The following CFAP69 variants were observed in gnomAD, a reference collection of about 807,000 sequenced individuals.
The protein encoded by CFAP69 is cilia- and flagella-associated protein 69.
CFAP69 carries 92 observed loss-of-function variants against 123.0 expected under a neutral mutation model. The ratio of observed to expected loss-of-function variants is 0.75; its 90% CI spans 0.63 to 0.89. The LOEUF is 0.89. Among genes scored for constraint, CFAP69 ranks in the 40% least tolerant of loss-of-function variants. The probability of loss-of-function intolerance (pLI) is 0.00; values close to 1 mark genes in which losing one functional copy is unlikely to be tolerated. For missense variants in CFAP69, 1,067 were observed against 1,096.9 expected (o/e 0.97, Z 0.39); for synonymous variants, 380 against 364.3 (o/e 1.04, Z -0.49).
Position 90,275,526 on chromosome 7 carries a change from G to C in CFAP69, c.984+1416G>C, listed in dbSNP as rs111442138. On this transcript the variant is annotated intron_variant, in intron 9 of 22. Transcript: ENST00000389297. The stretch of plus-strand genomic sequence containing the variant: ...GGTTCTTCAGGCCACTAAGACCACA[G>C]GGTTACTCTGAGTTTTAGCATTTCC... Among the ~76,000 whole-genome samples, 1,298 of 151,130 alleles carry C rather than the reference G, an allele frequency of 8.6e-3. 20 individuals carry two copies. Among genetic ancestry groups the C allele is most frequent in the African/African-American group, 0.028 (1,159 of 41,124 alleles).
chr7:90,265,239 A>C, intron 4 of CFAP69, 62 bp from the exon 5 acceptor site: 1 of 1,012,470 alleles, frequency 9.9e-7, no homozygotes, highest in Non-Finnish European at 1.5e-6. Context: ...CCACTTACAA[A>C]TGATGCTTCA....
chr7:90,248,270 G>A (rs182451168), intron 1 of CFAP69, among the ~76,000 whole-genome samples: 1 of 152,238 alleles, frequency 6.6e-6, no homozygotes, highest in Admixed American at 6.5e-5. Context: ...GAACCTTTCA[G>A]TTACCCTAAC....
At chr7:90,294,258 C>G (rs1321869311) in intron 15 of CFAP69, among the ~76,000 whole-genome samples, 1 of 152,144 alleles carries the variant, frequency 6.6e-6, no homozygotes, top group Non-Finnish European at 1.5e-5. Flanking sequence ...GATACCTGAT[C>G]TGCATAATTT....
intron 13 of CFAP69, 119 bp downstream of exon 13, chr7:90,283,175 T>G: frequency 1.3e-6 from 1 of 744,536 alleles, no homozygotes; most frequent in South Asian, 4.6e-5. Flanking sequence ...TCCTGAATAT[T>G]TTCTTGATTT....
chr7:90,286,565 T>C, intron 14 of CFAP69, 166 bp downstream of exon 14: 2 of 587,300 alleles, frequency 3.4e-6, no homozygotes, highest in South Asian at 5.2e-5. Flanking sequence ...TACAACAGTA[T>C]ACACCCATTT....
rs1259055505 is a variant in CFAP69, at chr7:90,245,545, G to T, written c.120+1G>T. On this transcript the variant is annotated splice_donor_variant, in intron 1 of 22. Transcript: ENST00000389297. LOFTEE classifies it high-confidence loss of function. ...GGTGACGGAGGACGATGAGGCGCAG[G>T]TATGAGCAGGTGTCTGTGCTTTCAG... 6.7e-7 allele frequency: 1 copy of T among 1,498,048 alleles called. No homozygotes were observed. The highest frequency in any genetic ancestry group is 1.5e-5 in the African/African-American group (1 of 68,564). The allele number at this position is 1,498,048 out of a possible 1,614,324, so 92.8% of individuals were successfully genotyped here. A position where few individuals can be genotyped will look rare whatever the true frequency, so the allele number is the denominator to read the frequency against.
chr7:90,314,724 T>A (rs1034547165), downstream of CFAP69, among the ~76,000 whole-genome samples: 4 of 152,104 alleles, frequency 2.6e-5, no homozygotes, highest in Admixed American at 1.3e-4. Flanking sequence ...TTTGGTATTT[T>A]TTATTATTAT....
Position 90,299,971 on chromosome 7 carries a change from T to A in CFAP69, c.1962T>A (p.Asp654Glu), listed in dbSNP as rs771836284. The change falls in exon 17 of 23, where the codon GAT (aspartate) becomes GAA (glutamate). Residue 654 changes from aspartate to glutamate, a missense_variant. Coordinates refer to ENST00000389297, the MANE Select transcript of CFAP69 (RefSeq NM_001039706.3). ...AHVNAWQGKK[D>E]QTAASLLIKL... ...TCAATGCTTGGCAAGGGAAGAAGGATCAGACAGCTGCTAGTCTTTTAATTA... is the reference window on the plus strand; with the variant it reads ...TCAATGCTTGGCAAGGGAAGAAGGAACAGACAGCTGCTAGTCTTTTAATTA... The A allele has an allele frequency of 1.4e-5, 22 of 1,611,848 alleles. No individual in the cohort carries two copies. The highest frequency in any genetic ancestry group is 1.8e-5 in the Non-Finnish European group (21 of 1,179,098).
At chr7:90,258,303 A>G in intron 3 of CFAP69, 140 bp downstream of exon 3, 1 of 651,636 alleles carries the variant, frequency 1.5e-6, no homozygotes, top group Non-Finnish European at 2.5e-6. Flanking sequence ...AGTTATTATC[A>G]TACAGTTTTG....
At position 90,307,190 on chromosome 7, in the gene CFAP69, A is replaced by G. The variant is rs17869408; in HGVS notation, c.2463+92A>G. On this transcript the variant is annotated intron_variant, in intron 20 of 22. Coordinates refer to ENST00000389297, the MANE Select transcript of CFAP69 (RefSeq NM_001039706.3). ...TAGATAGAATAAGTTCTGTTGTTCA[A>G]TAGCACAGTAGGACAACTATAGTAA... 3,683 of 840,524 alleles carry G rather than the reference A, an allele frequency of 4.4e-3. 83 individuals are homozygous for G. The African/African-American group carries it at 0.053, about 12-fold the overall frequency. The allele number at this position is 840,524 out of a possible 1,614,324, so 52.1% of individuals were successfully genotyped here. A position where few individuals can be genotyped will look rare whatever the true frequency, so the allele number is the denominator to read the frequency against.
chr7:90,286,428 G>T (rs1327768215), intron 14 of CFAP69, 29 bp downstream of exon 14: 14 of 1,605,180 alleles, frequency 8.7e-6, no homozygotes, highest in South Asian at 1.1e-5. Flanking sequence ...GTTTTGTTCA[G>T]GTCTCCCAGT....
chr7:90,257,820 G>A (rs1245886925), intron 2 of CFAP69, among the ~76,000 whole-genome samples: 2 of 152,106 alleles, frequency 1.3e-5, no homozygotes, highest in Admixed American at 6.6e-5. Flanking sequence ...TGTGAGTAGT[G>A]CTGCAATAAA....
Position 90,265,304 on chromosome 7 carries a change from GC to G in CFAP69, c.362del (p.Pro121HisfsTer3). On this transcript the variant is annotated frameshift_variant, in exon 5 of 23. Transcript: ENST00000389297. LOFTEE classifies it high-confidence loss of function. ...CAATTCTTCATTCTTATTGAAGCTT[GC>G]CATTTTTGAAAAAGAAAGTGTCGGA... is the stretch of plus-strand genomic sequence containing the variant. ...AYDIIKLCGL[P>X]FLKKKVSDEI... 1 of 1,604,986 alleles carries G rather than the reference GC, an allele frequency of 6.2e-7. No homozygotes were observed.
chr7:90,260,814 G>A (rs1290295924), intron 3 of CFAP69, among the ~76,000 whole-genome samples: 1 of 151,870 alleles, frequency 6.6e-6, no homozygotes, highest in African/African-American at 2.4e-5. Flanking sequence ...TAAACCGTTG[G>A]TGGCAATTGG....
At chr7:90,252,262 T>A (rs1797120087) in intron 1 of CFAP69, among the ~76,000 whole-genome samples, 1 of 152,096 alleles carries the variant, frequency 6.6e-6, no homozygotes, top group East Asian at 1.9e-4. Context: ...TTTACCAAAA[T>A]TTTTTGTAAC....
chr7:90,275,590 CTTTTTTTT>C lies in CFAP69; in HGVS notation c.985-1461_985-1454del, dbSNP rs57578763. Among the ~76,000 whole-genome samples, 14 of 62,072 alleles carry C rather than the reference CTTTTTTTT, an allele frequency of 2.3e-4. No homozygotes were observed. In the South Asian group the frequency reaches 6.9e-3, roughly 31 times the overall value. The allele number at this position is 62,072 out of a possible 152,430, so 40.7% of individuals were successfully genotyped here. ...TACGGCCTGCTCTCAGGCCAAAAGC[CTTTTTTTT>C]TTTTTTTTTTTTTTTTTTTTTGAGA... On this transcript the variant is annotated intron_variant, in intron 9 of 22. Transcript: ENST00000389297.
At chr7:90,287,428 T>C (rs112507348) in intron 14 of CFAP69, 32 of 901,790 alleles carry the variant, frequency 3.5e-5, no homozygotes, top group Non-Finnish European at 4.2e-5. Flanking sequence ...TAAATGTTGT[T>C]TGGGGTTTGA....
chr7:90,269,088 A>T (rs2157794), intron 6 of CFAP69, among the ~76,000 whole-genome samples: 6,700 of 47,670 alleles, frequency 0.14, 193 homozygotes, highest in Middle Eastern at 0.25. Context: ...AAGACAATTT[A>T]AAAAAAAAAA....
intron 14 of CFAP69, 191 bp downstream of exon 14, chr7:90,286,590 A>G (rs1012087290): frequency 1.0e-5 from 5 of 481,564 alleles, no homozygotes; most frequent in Non-Finnish European, 1.7e-5. Context: ...CATACCCCCA[A>G]TTAAAACAGA....
Sources: gnomAD v4.1 joint callset for allele counts (sites outside exome capture counted in the v4.1 genomes callset) on GRCh38, gnomAD v4.1.1 for gene constraint, MANE v1.5 for transcripts, NCBI Gene and HGNC (gene_info 2026-07-23, HGNC 2026-07-21) for gene names.